PIEZO2: variants seen among roughly 807,000 people sequenced by gnomAD.
PIEZO2 encodes piezo-type mechanosensitive ion channel component 2.
In PIEZO2, 172 loss-of-function variants were observed where a neutral mutation model predicts 337.3. The ratio of observed to expected loss-of-function variants is 0.51; its 90% CI spans 0.45 to 0.58. PIEZO2 has a LOEUF of 0.58. Ranked by LOEUF, PIEZO2 falls within the 20% of genes least tolerant of loss-of-function variation. The probability of loss-of-function intolerance (pLI) is 0.00; values close to 1 mark genes in which losing one functional copy is unlikely to be tolerated. For synonymous variants in PIEZO2, 1,251 were observed against 1,228.5 expected (o/e 1.02, Z -0.38); for missense variants, 3,028 against 3,391.3 (o/e 0.89, Z 2.66).
rs1485313998 is a variant in PIEZO2 at position 10,713,349 on chromosome 18, T to A, written c.5423+1415A>T. Among the ~76,000 whole-genome samples, 1 of 151,958 alleles carries A rather than the reference T, an allele frequency of 6.6e-6. No homozygotes were observed. Among genetic ancestry groups the A allele is most frequent in the African/African-American group, 2.4e-5 (1 of 41,330 alleles). Reference sequence around the variant, plus strand: ...TTAATTAGCACTTTAGGGCAAAACTTTTTGGTTTTTTTTTTACCCACATTC... The same window carrying A: ...TTAATTAGCACTTTAGGGCAAAACTATTTGGTTTTTTTTTTACCCACATTC... On this transcript the variant is annotated intron_variant, in intron 39 of 55. Coordinates refer to ENST00000674853, the MANE Select transcript of PIEZO2 (RefSeq NM_001378183.1). This position sits in a 1 kb window ranked among gnomAD's most constrained non-coding sequence, Gnocchi z 4.5.
chr18:11,018,205 GGTGGTGGTGGTGGTGGT>G (rs1316900815), intron 2 of PIEZO2, among the ~76,000 whole-genome samples: 1 of 145,236 alleles, frequency 6.9e-6, no homozygotes, highest in African/African-American at 2.6e-5. Context: ...TGGTGGTGGT[GGTGGTGGTGGTGGTGGT>G]GTGTGTGTGT....
chr18:10,791,314 G>T lies in PIEZO2; in HGVS notation c.1769C>A (p.Thr590Asn). The change falls in exon 14 of 56, where the codon ACC becomes AAC. Residue 590 changes from threonine (T) to asparagine (N), a missense_variant. Physicochemically the swap from Thr to Asn is moderately conservative, Grantham distance 65 (BLOSUM62 0). Around this residue, in one of 5 missense-constraint regions of PIEZO2, gnomAD observed 1,925 missense variants for 2,051.9 expected, o/e 0.94. Coordinates refer to ENST00000674853, the MANE Select transcript of PIEZO2 (RefSeq NM_001378183.1). The stretch of plus-strand genomic sequence containing the variant: ...CCTCAGCAGTAGCCAAAAAGTAATG[G>T]TGAAAAGGATCTGAAAGTAGAGAAG... ...PGELASKILF[T>N]ITFWLLLRQH... 6.6e-7 allele frequency: 1 copy of T among 1,510,792 alleles called. No homozygotes were observed. Among genetic ancestry groups the T allele is most frequent in the Non-Finnish European group, 8.8e-7 (1 of 1,134,868 alleles). 93.6% of individuals were successfully genotyped at this position (1,510,792 alleles called of 1,614,324 possible).
At chr18:10,883,001 G>A (rs1434489385) in intron 4 of PIEZO2, among the ~76,000 whole-genome samples, 3 of 151,822 alleles carry the variant, frequency 2.0e-5, no homozygotes, top group African/African-American at 7.3e-5. Flanking sequence ...ACCACCTCCA[G>A]CTAATTTTTA....
At chr18:11,079,560 C>T (rs896854295) in intron 1 of PIEZO2, among the ~76,000 whole-genome samples, 1 of 152,196 alleles carries the variant, frequency 6.6e-6, no homozygotes, top group Non-Finnish European at 1.5e-5. Context: ...CACTTTGGAA[C>T]AGGAGCTGTT....
Position 11,077,752 on chromosome 18 carries a change from C to A in PIEZO2, c.65-11530G>T, listed in dbSNP as rs184644166. 9.3e-4 allele frequency among the ~76,000 whole-genome samples: 141 copies of A among 152,246 alleles called. 2 individuals are homozygous for A. The highest frequency in any genetic ancestry group is 3.4e-3 in the African/African-American group (140 of 41,542). ...GTACTTTTAAACTTTGAACCACTGA[C>A]CTTGGTAGTTCTATATGTCAAAAAC... On this transcript the variant is annotated intron_variant, in intron 1 of 55. Coordinates refer to ENST00000674853, the MANE Select transcript of PIEZO2 (RefSeq NM_001378183.1). The surrounding 1 kb of genome is among the most constrained non-coding windows in gnomAD (Gnocchi z 4.8).
intron 27 of PIEZO2, among the ~76,000 whole-genome samples, chr18:10,757,210 G>T (rs1452601530): frequency 2.7e-5 from 4 of 149,178 alleles, no homozygotes; most frequent in Non-Finnish European, 1.5e-5. Context: ...AGGAGGGGTG[G>T]AGGATGAGGA....
At chr18:10,996,193 C>T (rs879743850) in intron 2 of PIEZO2, among the ~76,000 whole-genome samples, 3 of 152,176 alleles carry the variant, frequency 2.0e-5, no homozygotes, top group Non-Finnish European at 2.9e-5. Context: ...TCAATTCCAC[C>T]GTAGTGTTTG....
chr18:10,816,001 G>A (rs1237209063), intron 7 of PIEZO2, among the ~76,000 whole-genome samples: 3 of 152,130 alleles, frequency 2.0e-5, no homozygotes, highest in South Asian at 2.1e-4. Context: ...AAGGAGGTGC[G>A]GGAAACACAA....
At chr18:10,885,196 G>A (rs1478637873) in intron 4 of PIEZO2, among the ~76,000 whole-genome samples, 3 of 152,048 alleles carry the variant, frequency 2.0e-5, no homozygotes, top group African/African-American at 4.8e-5. Flanking sequence ...AGGCCGAGGC[G>A]GGCGGATCAT....
At chr18:10,884,201 T>C (rs780647530) in intron 4 of PIEZO2, among the ~76,000 whole-genome samples, 1 of 152,238 alleles carries the variant, frequency 6.6e-6, no homozygotes, top group Non-Finnish European at 1.5e-5. Context: ...TAATGTCCTC[T>C]AGATTAATCC....
intron 3 of PIEZO2, among the ~76,000 whole-genome samples, chr18:10,972,190 A>AAAG (rs2034270393): frequency 1.3e-5 from 2 of 149,852 alleles, no homozygotes; most frequent in African/African-American, 5.0e-5. Flanking sequence ...AAAAAAAAAA[A>AAAG]AGAGAGAGAG....
chr18:10,688,113 C>T (rs564155619), intron 49 of PIEZO2, among the ~76,000 whole-genome samples: 1 of 151,976 alleles, frequency 6.6e-6, no homozygotes, highest in Non-Finnish European at 1.5e-5. Context: ...AGGTTTTAAG[C>T]CCCCCATGCG....
At chr18:10,921,793 A>G (rs1176669175) in intron 3 of PIEZO2, among the ~76,000 whole-genome samples, 1 of 152,170 alleles carries the variant, frequency 6.6e-6, no homozygotes, top group South Asian at 2.1e-4. Flanking sequence ...AACATCCCTG[A>G]GAAAGAGAAT....
intron 3 of PIEZO2, among the ~76,000 whole-genome samples, chr18:10,971,578 T>C (rs1363720225): frequency 6.6e-6 from 1 of 152,160 alleles, no homozygotes; most frequent in Non-Finnish European, 1.5e-5. Flanking sequence ...CAGTCCCGAC[T>C]GTCCCCATGA....
intron 4 of PIEZO2, among the ~76,000 whole-genome samples, chr18:10,897,589 G>C (rs1222000237): frequency 6.6e-6 from 1 of 152,166 alleles, no homozygotes; most frequent in Non-Finnish European, 1.5e-5. Flanking sequence ...TGCCATGAGT[G>C]TGGGGCCTCC....
At chr18:10,864,716 A>G (rs1324307284) in intron 5 of PIEZO2, among the ~76,000 whole-genome samples, 1 of 152,256 alleles carries the variant, frequency 6.6e-6, no homozygotes, top group African/African-American at 2.4e-5. Flanking sequence ...TGCCCTGGCA[A>G]AGCCCCAGAA....
intron 7 of PIEZO2, among the ~76,000 whole-genome samples, chr18:10,831,388 T>C (rs904749603): frequency 1.3e-5 from 2 of 152,220 alleles, no homozygotes; most frequent in East Asian, 3.8e-4. Context: ...TGGATGGAAC[T>C]GGAGGTCATT....
At chr18:10,891,501 C>T (rs1452070568) in intron 4 of PIEZO2, among the ~76,000 whole-genome samples, 1 of 152,154 alleles carries the variant, frequency 6.6e-6, no homozygotes, top group Non-Finnish European at 1.5e-5. Context: ...CAGAAAGACA[C>T]ATGTTACATA....
chr18:10,821,685 C>T lies in PIEZO2; in HGVS notation c.918-14411G>A, dbSNP rs1468892092. ...CAAGTATCACCCCCACCCACCACCA[C>T]CTTTTTCATCAAAGATTCTACCCAC... On this transcript the variant is annotated intron_variant, in intron 7 of 55. Transcript: ENST00000674853. This position sits in a 1 kb window ranked among gnomAD's most constrained non-coding sequence, Gnocchi z 4.2. 6.6e-6 allele frequency among the ~76,000 whole-genome samples: 1 copy of T among 152,156 alleles called. No homozygotes were observed. Among genetic ancestry groups the T allele is most frequent in the Non-Finnish European group, 1.5e-5 (1 of 68,026 alleles).
Sources: gnomAD v4.1 joint callset for allele counts (sites outside exome capture counted in the v4.1 genomes callset) on GRCh38, gnomAD v4.1.1 for gene constraint, gnomAD v4.1.1 regional missense constraint, Gnocchi (gnomAD v3.1) non-coding constraint, MANE v1.5 for transcripts, NCBI Gene and HGNC (gene_info 2026-07-23, HGNC 2026-07-21) for gene names.